Variants in TRIM24 observed in about 807,000 individuals in gnomAD.
TRIM24 encodes transcription intermediary factor 1-alpha.
Under a neutral mutation model 123.9 loss-of-function variants are expected in TRIM24, and 29 were observed. The ratio of observed to expected loss-of-function variants is 0.23; its 90% CI spans 0.17 to 0.32. TRIM24 has a LOEUF of 0.32. TRIM24 is among the 10% of genes least tolerant of loss of function. The pLI is 1.00. For synonymous variants in TRIM24, 456 were observed against 461.1 expected (o/e 0.99, Z 0.14); for missense variants, 932 against 1,295.3 (o/e 0.72, Z 4.31).
Position 138,479,879 on chromosome 7 carries a change from G to A in TRIM24, c.364+18967G>A, listed in dbSNP as rs972148187. 2.6e-5 allele frequency among the ~76,000 whole-genome samples: 4 copies of A among 151,630 alleles called. No individual in the cohort carries two copies. The South Asian group carries it at 6.3e-4, about 24-fold the overall frequency. On this transcript the variant is annotated intron_variant, in intron 1 of 18. Coordinates refer to ENST00000343526, the MANE Select transcript of TRIM24 (RefSeq NM_015905.3). ...TTGTTGCCCAGACTGGAGTGCAATG[G>A]TGCGAGCTCAGCTCACTGCAGCTTC...
intron 1 of TRIM24, among the ~76,000 whole-genome samples, chr7:138,488,222 ATTC>A (rs754382080): frequency 2.1e-5 from 3 of 145,264 alleles, no homozygotes; most frequent in Non-Finnish European, 4.5e-5. Context: ...CATCTATTTG[ATTC>A]TTCTCTTTTT....
chr7:138,537,409 G>C (rs1197174864), intron 6 of TRIM24, among the ~76,000 whole-genome samples: 1 of 10,026 alleles, frequency 1.0e-4, no homozygotes, highest in African/African-American at 3.9e-4. Context: ...TTTTTTTTTT[G>C]TAAAGACGTG....
chr7:138,531,223 T>TACGTATACATGTTACAC lies in TRIM24; in HGVS notation c.996+1994_996+2010dup, dbSNP rs1386478979. ...TATACATGTATACGTGTATGTTACA[T>TACGTATACATGTTACAC]ACGTATACATGTTACACGTTACATG... is the stretch of plus-strand genomic sequence containing the variant. On this transcript the variant is annotated intron_variant, in intron 6 of 18. Coordinates refer to ENST00000343526, the MANE Select transcript of TRIM24 (RefSeq NM_015905.3). Among the ~76,000 whole-genome samples, 237 of 147,138 alleles carry TACGTATACATGTTACAC rather than the reference T, an allele frequency of 1.6e-3. 3 individuals are homozygous for TACGTATACATGTTACAC. Among genetic ancestry groups the TACGTATACATGTTACAC allele is most frequent in the Admixed American group, 0.014 (212 of 15,090 alleles).
chr7:138,463,989 C>CATTTTTTTTTTTTTTTTTTTTTTTT (rs1554429651), intron 1 of TRIM24, among the ~76,000 whole-genome samples: 2 of 50,764 alleles, frequency 3.9e-5, no homozygotes, highest in African/African-American at 1.6e-4. Flanking sequence ...AAAATTTAGA[C>CATTTTTTTTTTTTTTTTTTTTTTTT]TTTTTTTTTT....
intron 1 of TRIM24, 154 bp downstream of exon 1, chr7:138,461,066 T>A: frequency 1.2e-6 from 1 of 840,846 alleles, no homozygotes; most frequent in Non-Finnish European, 1.9e-6. Flanking sequence ...GACGGTGACA[T>A]GGAGGGCCCG....
intron 1 of TRIM24, among the ~76,000 whole-genome samples, chr7:138,478,577 A>G (rs1840097374): frequency 6.6e-6 from 1 of 152,138 alleles, no homozygotes; most frequent in Non-Finnish European, 1.5e-5. Context: ...CCTGGGCTGA[A>G]GTGATCCTCC....
chr7:138,520,569 A>G (rs572608958), intron 4 of TRIM24, among the ~76,000 whole-genome samples: 1 of 152,300 alleles, frequency 6.6e-6, no homozygotes, highest in African/African-American at 2.4e-5. Flanking sequence ...GTGTGCTTGT[A>G]TTCCTAGCTA....
chr7:138,518,738 C>T (rs1420642619), intron 3 of TRIM24, among the ~76,000 whole-genome samples: 4 of 152,242 alleles, frequency 2.6e-5, no homozygotes, highest in East Asian at 1.9e-4. Context: ...CTCAAGCAAG[C>T]GATCCTCTCA....
chr7:138,497,393 CTTTTTTTTT>C (rs869232002), intron 1 of TRIM24, among the ~76,000 whole-genome samples: 5 of 88,336 alleles, frequency 5.7e-5, no homozygotes, highest in East Asian at 3.8e-4. Flanking sequence ...ATTACAATTT[CTTTTTTTTT>C]TTTTTTTTTT....
At chr7:138,584,270 C>T (rs1797966493) in intron 18 of TRIM24, among the ~76,000 whole-genome samples, 1 of 152,160 alleles carries the variant, frequency 6.6e-6, no homozygotes, top group African/African-American at 2.4e-5. Flanking sequence ...ATCATTCCCA[C>T]CTGTATTTCT....
chr7:138,570,992 T>A lies in TRIM24; in HGVS notation c.1867T>A (p.Ser623Thr). 2 of 1,613,876 alleles carry A rather than the reference T, an allele frequency of 1.2e-6. No individual in the cohort carries two copies. The highest frequency in any genetic ancestry group is 1.7e-6 in the Non-Finnish European group (2 of 1,179,890). ...SPVGGSYNLPSLPDIDCSSTI... is the reference protein window; with the variant it reads ...SPVGGSYNLPTLPDIDCSSTI... ...AGTGGGAGGGTCTTATAATCTTCCC[T>A]CTCTTCCGGATGTAAGTAGACACAA... is the stretch of plus-strand genomic sequence containing the variant. Residue 623 changes from serine (S) to threonine (T), a missense_variant, in exon 11 of 19, where the codon TCT becomes ACT. Around this residue, in one of 7 missense-constraint regions of TRIM24, gnomAD observed 527 missense variants for 691.3 expected, o/e 0.76. Transcript: ENST00000343526.
intron 1 of TRIM24, among the ~76,000 whole-genome samples, chr7:138,488,891 C>G (rs1227121873): frequency 6.6e-6 from 1 of 152,080 alleles, no homozygotes; most frequent in African/African-American, 2.4e-5. Flanking sequence ...GAGTTCAAGT[C>G]TTGGATATCC....
At chr7:138,566,312 T>C (rs1419786991) in intron 9 of TRIM24, among the ~76,000 whole-genome samples, 1 of 152,018 alleles carries the variant, frequency 6.6e-6, no homozygotes, top group Non-Finnish European at 1.5e-5. Context: ...GGTCAGGAGT[T>C]CGAAACCAGC....
intron 1 of TRIM24, among the ~76,000 whole-genome samples, chr7:138,484,489 AG>A (rs1795603694): frequency 1.3e-5 from 2 of 151,634 alleles, no homozygotes; most frequent in African/African-American, 4.8e-5. Context: ...TTAGGTGGTG[AG>A]TTCTAAGAAT....
chr7:138,497,393 CTTT>C (rs869232002), intron 1 of TRIM24, among the ~76,000 whole-genome samples: 2 of 88,338 alleles, frequency 2.3e-5, no homozygotes, highest in African/African-American at 4.6e-5. Context: ...ATTACAATTT[CTTT>C]TTTTTTTTTT....
intron 2 of TRIM24, among the ~76,000 whole-genome samples, chr7:138,505,033 T>C (rs1796122477): frequency 6.6e-6 from 1 of 152,148 alleles, no homozygotes; most frequent in South Asian, 2.1e-4. Flanking sequence ...AGTGTTGGGA[T>C]TATAGGCGTG....
chr7:138,469,338 T>C (rs886192728), intron 1 of TRIM24, among the ~76,000 whole-genome samples: 14 of 151,956 alleles, frequency 9.2e-5, no homozygotes, highest in Admixed American at 7.9e-4. Flanking sequence ...TCAATTTTTT[T>C]TTTTTTTTTT....
At chr7:138,520,177 A>G (rs1794274776) in intron 4 of TRIM24, among the ~76,000 whole-genome samples, 1 of 152,232 alleles carries the variant, frequency 6.6e-6, no homozygotes, top group African/African-American at 2.4e-5. Flanking sequence ...ATAGGCTCAC[A>G]GGGCTGAGAA....
chr7:138,572,112 G>C (rs750016105), intron 11 of TRIM24, among the ~76,000 whole-genome samples: 1 of 152,102 alleles, frequency 6.6e-6, no homozygotes, highest in East Asian at 1.9e-4. Context: ...TTCAAGTTGA[G>C]ATCAATTAAT....
Sources: gnomAD v4.1 joint callset for allele counts (sites outside exome capture counted in the v4.1 genomes callset) on GRCh38, gnomAD v4.1.1 for gene constraint, gnomAD v4.1.1 regional missense constraint, MANE v1.5 for transcripts, NCBI Gene and HGNC (gene_info 2026-07-23, HGNC 2026-07-21) for gene names.